The following EIF3J variants were observed in gnomAD, a reference collection of about 807,000 sequenced individuals.
EIF3J encodes the protein eukaryotic translation initiation factor 3 subunit J, also known as eukaryotic translation initiation factor 3, subunit 1 (alpha, 35kD).
A neutral mutation model predicts 39.0 loss-of-function variants in EIF3J; 15 were observed. That is an observed-to-expected ratio of 0.38 (90% CI 0.26 to 0.59). The LOEUF (loss-of-function observed/expected upper bound fraction) is 0.59, where lower values mean the gene tolerates loss of function less well. Ranked by LOEUF, EIF3J falls within the 20% of genes least tolerant of loss-of-function variation. The pLI is 0.60. For synonymous variants in EIF3J, 98 were observed against 112.9 expected (o/e 0.87, Z 0.84); for missense variants, 226 against 308.6 (o/e 0.73, Z 2.00).
intron 3 of EIF3J, among the ~76,000 whole-genome samples, 183 bp downstream of exon 3, chr15:44,551,113 T>A (rs143560393): frequency 0.01 from 1,527 of 152,304 alleles, 22 homozygotes; most frequent in African/African-American, 0.035. Context: ...CAAAATATAA[T>A]CAGATTAGAT....
At chr15:44,554,250 G>A (rs952189684) in intron 4 of EIF3J, among the ~76,000 whole-genome samples, 2 of 151,812 alleles carry the variant, frequency 1.3e-5, no homozygotes, top group Admixed American at 6.6e-5. Flanking sequence ...GGTGGTGCAC[G>A]CCTGTAATCC....
At chr15:44,542,259 C>A (rs79693593) in intron 2 of EIF3J, among the ~76,000 whole-genome samples, 4,076 of 152,214 alleles carry the variant, frequency 0.027, 92 homozygotes, top group East Asian at 0.098. Flanking sequence ...GGGAAGTCTA[C>A]CCTTGCCAAG....
At chr15:44,546,197 G>A (rs2082051260) in intron 2 of EIF3J, among the ~76,000 whole-genome samples, 2 of 152,130 alleles carry the variant, frequency 1.3e-5, no homozygotes, top group South Asian at 4.1e-4. Flanking sequence ...AAATACAAAC[G>A]TTTGATCTCT....
intron 2 of EIF3J, among the ~76,000 whole-genome samples, chr15:44,549,849 A>G (rs1268794157): frequency 6.7e-6 from 1 of 149,766 alleles, no homozygotes; most frequent in Non-Finnish European, 1.5e-5. Context: ...AATCCTAGTT[A>G]CTGGGGAGGC....
At position 44,543,417 on chromosome 15, in the gene EIF3J, C is replaced by CT. The variant is rs759322625; in HGVS notation, c.147+6007dup. ...TCTTGGTACATGTTGATAGGAACCA[C>CT]TTTTTTTTTTTTTTTTTGAGATGGA... On this transcript the variant is annotated intron_variant, in intron 2 of 7. Coordinates refer to ENST00000261868, the MANE Select transcript of EIF3J (RefSeq NM_003758.4). Among the ~76,000 whole-genome samples the CT allele has an allele frequency of 8.5e-3, 1,155 of 135,402 alleles. 8 individuals carry two copies. Among genetic ancestry groups the CT allele is most frequent in the Non-Finnish European group, 0.013 (821 of 62,808 alleles). The allele number at this position is 135,402 out of a possible 152,430, so 88.8% of individuals were successfully genotyped here.
At position 44,537,196 on chromosome 15, in the gene EIF3J, TGGCGGCGGC is replaced by T. The variant is rs560378535; in HGVS notation, c.17_25del (p.AlaAlaAla6_?8). 6.7e-5 allele frequency: 107 copies of T among 1,601,422 alleles called. No individual in the cohort carries two copies. The highest frequency in any genetic ancestry group is 8.0e-5 in the Non-Finnish European group (94 of 1,174,036). The stretch of plus-strand genomic sequence containing the variant: ...ACACACGCTCACACCCGGCTCGAGA[TGGCGGCGGC>T]GGCGGCGGCGGCGGGGGACTCGGAC... On this transcript the variant is annotated start_lost and inframe_deletion, in exon 1 of 8. Transcript: ENST00000261868.
At chr15:44,545,721 C>G (rs1354611802) in intron 2 of EIF3J, among the ~76,000 whole-genome samples, 1 of 152,142 alleles carries the variant, frequency 6.6e-6, no homozygotes, top group Non-Finnish European at 1.5e-5. Context: ...TCTTATGGAA[C>G]TATCTTGAAA....
chr15:44,561,398 C>T lies in EIF3J; in HGVS notation c.*249C>T, dbSNP rs569749339. ...ATAGTTCAAAACCTAATAATGTTGT[C>T]GTTGTTGCTATCTGATTTCATAGCA... On this transcript the variant is annotated 3_prime_UTR_variant, in exon 8 of 8. Coordinates refer to ENST00000261868, the MANE Select transcript of EIF3J (RefSeq NM_003758.4). 52 of 282,158 alleles carry T rather than the reference C, an allele frequency of 1.8e-4. No homozygotes were observed. The highest frequency in any genetic ancestry group is 9.8e-4 in the African/African-American group (45 of 46,070). The allele number at this position is 282,158 out of a possible 1,614,324, so 17.5% of individuals were successfully genotyped here.
chr15:44,562,006 T>C lies in EIF3J; in HGVS notation c.*857T>C, dbSNP rs2082202703. ...ACTGCACCAGTTAACTACAGTTTGG[T>C]AAATTGTTATGTTAACAATTATGAC... On this transcript the variant is annotated 3_prime_UTR_variant, in exon 8 of 8. Transcript: ENST00000261868. 6.6e-6 allele frequency: 1 copy of C among 152,652 alleles called. No individual in the cohort carries two copies. Among genetic ancestry groups the C allele is most frequent in the Non-Finnish European group, 1.5e-5 (1 of 68,044 alleles). 9.5% of individuals were successfully genotyped at this position (152,652 alleles called of 1,614,324 possible). A position where few individuals can be genotyped will look rare whatever the true frequency, so the allele number is the denominator to read the frequency against.
intron 4 of EIF3J, 152 bp from the exon 5 acceptor site, chr15:44,554,401 C>T (rs879197872): frequency 7.4e-6 from 1 of 135,856 alleles, no homozygotes; most frequent in Non-Finnish European, 1.5e-5. Context: ...AAAAAAAAAA[C>T]TAAAGTGTTT....
intron 5 of EIF3J, among the ~76,000 whole-genome samples, chr15:44,556,813 C>T (rs2082148653): frequency 6.6e-6 from 1 of 151,870 alleles, no homozygotes; most frequent in Non-Finnish European, 1.5e-5. Flanking sequence ...CGTCTGGCCA[C>T]ACCTGGCTAA....
In EIF3J at chr15:44,561,585, G is replaced by A. The variant is rs1286565341; in HGVS notation, c.*436G>A. On this transcript the variant is annotated 3_prime_UTR_variant, in exon 8 of 8. Transcript: ENST00000261868. ...AGCAAGGGCATGTGGTGTGCACCTA[G>A]TATTAAAATTGCTTTGTCTTAAAAT... 1.3e-5 allele frequency: 2 copies of A among 153,008 alleles called. No homozygotes were observed. The highest frequency in any genetic ancestry group is 2.9e-5 in the Non-Finnish European group (2 of 68,302). 9.5% of individuals were successfully genotyped at this position (153,008 alleles called of 1,614,324 possible).
At chr15:44,555,341 C>T (rs1296735262) in intron 5 of EIF3J, among the ~76,000 whole-genome samples, 1 of 152,188 alleles carries the variant, frequency 6.6e-6, no homozygotes, top group African/African-American at 2.4e-5. Context: ...CATGTTGAAA[C>T]AGTTAAATCA....
At chr15:44,549,497 C>T (rs893932209) in intron 2 of EIF3J, among the ~76,000 whole-genome samples, 6 of 150,716 alleles carry the variant, frequency 4.0e-5, no homozygotes, top group Non-Finnish European at 5.9e-5. Context: ...GGGCTAGGCA[C>T]GGTGGCTCAC....
chr15:44,543,505 C>G (rs1398734310), intron 2 of EIF3J, among the ~76,000 whole-genome samples: 2 of 151,810 alleles, frequency 1.3e-5, no homozygotes. Context: ...CCTCCGCCTC[C>G]TGGGTTCAAG....
chr15:44,556,593 G>A (rs1300457075), intron 5 of EIF3J, among the ~76,000 whole-genome samples: 3 of 151,848 alleles, frequency 2.0e-5, no homozygotes, highest in African/African-American at 4.8e-5. Context: ...TGTAACCTCC[G>A]CCTCCTGGGT....
intron 2 of EIF3J, among the ~76,000 whole-genome samples, chr15:44,543,573 C>CCA (rs1215599458): frequency 6.6e-6 from 1 of 152,008 alleles, no homozygotes; most frequent in African/African-American, 2.4e-5. Context: ...GCCACCACAC[C>CCA]CAGCTAATTT....
intron 2 of EIF3J, among the ~76,000 whole-genome samples, chr15:44,540,254 TATATATATATA>T (rs1247195465): frequency 1.7e-4 from 9 of 52,830 alleles, no homozygotes; most frequent in African/African-American, 4.6e-4. Context: ...TATATATATA[TATATATATATA>T]TATTTTTTTT....
At chr15:44,539,295 G>A (rs1189486224) in intron 2 of EIF3J, among the ~76,000 whole-genome samples, 1 of 152,014 alleles carries the variant, frequency 6.6e-6, no homozygotes, top group Non-Finnish European at 1.5e-5. Context: ...CAAAGTGCTG[G>A]AATTATAGGC....
Sources: gnomAD v4.1 joint callset for allele counts (sites outside exome capture counted in the v4.1 genomes callset) on GRCh38, gnomAD v4.1.1 for gene constraint, MANE v1.5 for transcripts, NCBI Gene and HGNC (gene_info 2026-07-23, HGNC 2026-07-21) for gene names.